CEP70: variants seen among roughly 807,000 people sequenced by gnomAD.
CEP70 encodes centrosomal protein 70.
A neutral mutation model predicts 90.9 loss-of-function variants in CEP70; 70 were observed. The observed-to-expected ratio is 0.77, with a 90% CI of 0.64 to 0.94. CEP70 has a LOEUF of 0.94. Among genes scored for constraint, CEP70 ranks in the 40% least tolerant of loss-of-function variants. CEP70 has a pLI of 0.00. For synonymous variants in CEP70, 220 were observed against 228.3 expected, an observed-to-expected ratio of 0.96 and a Z score of 0.33; for missense variants, 648 against 669.0, an observed-to-expected ratio of 0.97 and a Z score of 0.35.
intron 6 of CEP70, among the ~76,000 whole-genome samples, chr3:138,565,703 C>A (rs1576860587): frequency 6.7e-6 from 1 of 149,278 alleles, no homozygotes; most frequent in South Asian, 2.1e-4. Flanking sequence ...ATGGAATAAA[C>A]ACTTAAACCA....
At chr3:138,496,342 G>C (rs1360604552) in intron 17 of CEP70, 1 of 985,228 alleles carries the variant, frequency 1.0e-6, no homozygotes, top group Non-Finnish European at 1.2e-6. Context: ...ACTTCAGTCA[G>C]AATACTTGTC....
intron 6 of CEP70, among the ~76,000 whole-genome samples, chr3:138,552,244 A>T (rs1421378723): frequency 6.6e-6 from 1 of 152,214 alleles, no homozygotes; most frequent in Non-Finnish European, 1.5e-5. Flanking sequence ...TCAATACTCC[A>T]CTGACAGCAC....
At position 138,586,005 on chromosome 3, in the gene CEP70, C is replaced by A. The variant is rs151130578; in HGVS notation, c.-6+5849G>T. On this transcript the variant is annotated intron_variant, in intron 2 of 17. Coordinates refer to ENST00000264982, the MANE Select transcript of CEP70 (RefSeq NM_024491.4). ...TTGAGTAATATACCACAAGCACAGGCAACCAAAGCAAAAATAGACAGGTGG... is the reference window on the plus strand; with the variant it reads ...TTGAGTAATATACCACAAGCACAGGAAACCAAAGCAAAAATAGACAGGTGG... 5.6e-3 allele frequency among the ~76,000 whole-genome samples: 858 copies of A among 152,240 alleles called. 7 individuals are homozygous for A. The highest frequency in any genetic ancestry group is 0.02 in the African/African-American group (827 of 41,528).
chr3:138,540,183 G>T (rs987309652), intron 6 of CEP70, among the ~76,000 whole-genome samples: 1 of 151,950 alleles, frequency 6.6e-6, no homozygotes, highest in African/African-American at 2.4e-5. Flanking sequence ...TATACATGCA[G>T]CCAACAAGCA....
chr3:138,555,110 A>T (rs2039904966), intron 6 of CEP70, among the ~76,000 whole-genome samples: 1 of 152,094 alleles, frequency 6.6e-6, no homozygotes, highest in African/African-American at 2.4e-5. Context: ...TTAGCTGGTC[A>T]TGGTGGCAGG....
At chr3:138,539,392 C>T (rs1012160494) in intron 6 of CEP70, among the ~76,000 whole-genome samples, 51 of 152,004 alleles carry the variant, frequency 3.4e-4, no homozygotes, top group Non-Finnish European at 1.5e-5. Flanking sequence ...CCCTGTCTGC[C>T]CAGGATTCAA....
Position 138,511,330 on chromosome 3 carries a change from T to A in CEP70, c.945-2786A>T, listed in dbSNP as rs577841478. Among the ~76,000 whole-genome samples, 4 of 152,392 alleles carry A rather than the reference T, an allele frequency of 2.6e-5. No homozygotes were observed. In the South Asian group the frequency reaches 8.3e-4, roughly 32 times the overall value. ...CCAAGCCAAATTATAAATGACTTCC[T>A]ATTTACTACATTCACATTCTTCACA... On this transcript the variant is annotated intron_variant, in intron 11 of 17. Coordinates refer to ENST00000264982, the MANE Select transcript of CEP70 (RefSeq NM_024491.4).
chr3:138,540,065 G>A (rs144034165), intron 6 of CEP70, among the ~76,000 whole-genome samples: 3,457 of 152,244 alleles, frequency 0.023, 239 homozygotes, highest in Admixed American at 0.15. Context: ...CTATGCATCC[G>A]ACAAAGGTCT....
chr3:138,591,852 A>T lies in CEP70; in HGVS notation c.-6+2T>A. On this transcript the variant is annotated splice_donor_variant, in intron 2 of 17. Coordinates refer to ENST00000264982, the MANE Select transcript of CEP70 (RefSeq NM_024491.4). LOFTEE classifies it low-confidence loss of function (5UTR_SPLICE). The stretch of plus-strand genomic sequence containing the variant: ...TGGAGTCATCCGTTACATTAGACAT[A>T]CCTCAGTCATAGCATATTACTCTTG... The T allele has an allele frequency of 2.0e-6, 3 of 1,529,842 alleles. No homozygotes were observed. Among genetic ancestry groups the T allele is most frequent in the Non-Finnish European group, 2.6e-6 (3 of 1,144,338 alleles). 94.8% of individuals were successfully genotyped at this position (1,529,842 alleles called of 1,614,324 possible).
chr3:138,547,346 T>C (rs946558517), intron 6 of CEP70, among the ~76,000 whole-genome samples: 5 of 152,226 alleles, frequency 3.3e-5, no homozygotes, highest in African/African-American at 7.2e-5. Context: ...TTGCCATCAA[T>C]TGGAACATAC....
intron 6 of CEP70, among the ~76,000 whole-genome samples, chr3:138,549,180 C>T (rs1229317540): frequency 6.6e-6 from 1 of 151,038 alleles, no homozygotes; most frequent in East Asian, 1.9e-4. Flanking sequence ...CTAACAACTC[C>T]AACCGGACGT....
At chr3:138,542,758 TC>T (rs2038874694) in intron 6 of CEP70, among the ~76,000 whole-genome samples, 1 of 152,160 alleles carries the variant, frequency 6.6e-6, no homozygotes, top group African/African-American at 2.4e-5. Context: ...CTCCTTTCAC[TC>T]CCGCCATTCA....
intron 6 of CEP70, among the ~76,000 whole-genome samples, chr3:138,560,335 T>C (rs923151852): frequency 6.6e-6 from 1 of 152,306 alleles, no homozygotes; most frequent in East Asian, 1.9e-4. Context: ...CTAGCCCAGA[T>C]ACTGCGCTTT....
chr3:138,564,415 T>C (rs371185729), intron 6 of CEP70, among the ~76,000 whole-genome samples: 1 of 152,138 alleles, frequency 6.6e-6, no homozygotes, highest in South Asian at 2.1e-4. Context: ...TTCAGGCCAA[T>C]AACCCTGATG....
chr3:138,585,348 A>T (rs2042058411), intron 2 of CEP70, among the ~76,000 whole-genome samples: 1 of 152,202 alleles, frequency 6.6e-6, no homozygotes, highest in African/African-American at 2.4e-5. Flanking sequence ...GAAGTAAAAC[A>T]TCTCTACAAT....
chr3:138,537,370 A>G, intron 6 of CEP70, 23 bp from the exon 7 acceptor site: 2 of 1,498,822 alleles, frequency 1.3e-6, no homozygotes, highest in South Asian at 1.3e-5. Context: ...TTTTAAAAAC[A>G]TGATTATGAT....
intron 2 of CEP70, among the ~76,000 whole-genome samples, chr3:138,582,037 G>A (rs185119911): frequency 5.3e-5 from 8 of 152,312 alleles, no homozygotes; most frequent in African/African-American, 1.7e-4. Flanking sequence ...CAATAAGTTT[G>A]TTCCCAGACA....
At position 138,537,206 on chromosome 3, in the gene CEP70, T is replaced by G. The variant is rs780866224; in HGVS notation, c.607A>C (p.Arg203=). 1.8e-5 allele frequency: 28 copies of G among 1,595,976 alleles called. No individual in the cohort carries two copies. In the East Asian group the frequency reaches 6.1e-4, roughly 35 times the overall value. Residue 203 remains arginine, a synonymous_variant, in exon 7 of 18, where the codon AGA becomes CGA. Coordinates refer to ENST00000264982, the MANE Select transcript of CEP70 (RefSeq NM_024491.4). ...QNRVFAYLCK[R]VPHTVLDRQL... The stretch of plus-strand genomic sequence containing the variant: ...CTATCCAAGACGGTATGAGGAACTC[T>G]TTTGCACAGATAGGCAAACACTCTG...
intron 6 of CEP70, among the ~76,000 whole-genome samples, chr3:138,561,426 A>G (rs959990469): frequency 5.3e-5 from 8 of 152,182 alleles, no homozygotes; most frequent in Non-Finnish European, 1.0e-4. Flanking sequence ...TAAATCTACG[A>G]AGATGGGGAG....
Sources: allele counts gnomAD v4.1 joint callset (sites outside exome capture counted in the v4.1 genomes callset), GRCh38; gene constraint gnomAD v4.1.1; transcripts MANE v1.5; gene names NCBI Gene and HGNC (gene_info 2026-07-23, HGNC 2026-07-21).